Variants in TNFRSF11A observed in about 807,000 individuals in gnomAD.
TNFRSF11A encodes the protein tumor necrosis factor receptor superfamily member 11A.
A neutral mutation model predicts 55.7 loss-of-function variants in TNFRSF11A; 32 were observed. That is an observed-to-expected ratio of 0.57 (90% CI 0.43 to 0.77). The LOEUF is 0.77. Among genes scored for constraint, TNFRSF11A ranks in the 30% least tolerant of loss-of-function variants. The probability of loss-of-function intolerance (pLI) is 0.00; values close to 1 mark genes in which losing one functional copy is unlikely to be tolerated. For synonymous variants in TNFRSF11A, 311 were observed against 331.0 expected (o/e 0.94, Z 0.65); for missense variants, 753 against 809.8 (o/e 0.93, Z 0.85).
chr18:62,359,039 A>G (rs1909477861), intron 5 of TNFRSF11A, among the ~76,000 whole-genome samples: 2 of 152,196 alleles, frequency 1.3e-5, no homozygotes, highest in Non-Finnish European at 2.9e-5. Flanking sequence ...TTGTTGTTGC[A>G]TACCAATAAT....
intron 1 of TNFRSF11A, among the ~76,000 whole-genome samples, chr18:62,347,278 G>C (rs1478698502): frequency 6.6e-6 from 1 of 152,198 alleles, no homozygotes; most frequent in Non-Finnish European, 1.5e-5. Flanking sequence ...TTCAGTTTCT[G>C]ACATGACTGC....
At chr18:62,350,262 C>A (rs1165604164) in intron 3 of TNFRSF11A, among the ~76,000 whole-genome samples, 1 of 151,922 alleles carries the variant, frequency 6.6e-6, no homozygotes, top group Non-Finnish European at 1.5e-5. Flanking sequence ...CCATACTTAT[C>A]CCTTTTATTT....
intron 3 of TNFRSF11A, among the ~76,000 whole-genome samples, chr18:62,351,655 C>T (rs1161710397): frequency 6.6e-6 from 1 of 152,180 alleles, no homozygotes; most frequent in Non-Finnish European, 1.5e-5. Flanking sequence ...TAGTGCAGTA[C>T]ATATAGAAAA....
intron 1 of TNFRSF11A, among the ~76,000 whole-genome samples, chr18:62,332,141 T>TG (rs1277255282): frequency 6.6e-6 from 1 of 152,226 alleles, no homozygotes; most frequent in Non-Finnish European, 1.5e-5. Context: ...AGCTGGGCAA[T>TG]GGGGAAAGAT....
At chr18:62,384,660 C>G in intron 9 of TNFRSF11A, 91 bp from the exon 10 acceptor site, 2 of 1,479,872 alleles carry the variant, frequency 1.4e-6, no homozygotes, top group African/African-American at 1.4e-5. Flanking sequence ...TCCGGGGAGC[C>G]GCCCTCCACT....
At chr18:62,384,376 CTCT>C (rs1296922372) in intron 9 of TNFRSF11A, among the ~76,000 whole-genome samples, 25 of 141,982 alleles carry the variant, frequency 1.8e-4, no homozygotes, top group Non-Finnish European at 2.9e-4. Flanking sequence ...TCTCCTCCTC[CTCT>C]TCCTCCCCTC....
Position 62,384,877 on chromosome 18 carries a change from C to A in TNFRSF11A, c.1694C>A (p.Pro565His), listed in dbSNP as rs1326368969. Residue 565 changes from proline to histidine, a missense_variant, in exon 10 of 10, where the codon CCC becomes CAC. By Grantham distance (77) the Pro-to-His change is moderately conservative. Coordinates refer to ENST00000586569, the MANE Select transcript of TNFRSF11A (RefSeq NM_003839.4). ...GAGGGCGCGGCGGCGGCTGCGGAGC[C>A]CATGGGCCGCCCGGTGCAGGAGGAG... ...SQEGAAAAAEPMGRPVQEETL... is the reference protein window; with the variant it reads ...SQEGAAAAAEHMGRPVQEETL... The A allele has an allele frequency of 2.5e-6, 4 of 1,594,882 alleles. No homozygotes were observed. The East Asian group carries it at 6.8e-5, about 27-fold the overall frequency.
At chr18:62,367,050 G>A (rs1450881885) in intron 8 of TNFRSF11A, among the ~76,000 whole-genome samples, 4 of 152,138 alleles carry the variant, frequency 2.6e-5, no homozygotes, top group Non-Finnish European at 2.9e-5. Flanking sequence ...GGGCTTCACC[G>A]TGTTGGCCAC....
chr18:62,384,653 G>C lies in TNFRSF11A; in HGVS notation c.1568-98G>C, dbSNP rs1600432701. The C allele has an allele frequency of 4.1e-6, 6 of 1,455,928 alleles. No homozygotes were observed. In the Admixed American group the frequency reaches 9.8e-5, roughly 24 times the overall value. 90.2% of individuals were successfully genotyped at this position (1,455,928 alleles called of 1,614,324 possible). A position where few individuals can be genotyped will look rare whatever the true frequency, so the allele number is the denominator to read the frequency against. On this transcript the variant is annotated intron_variant, in intron 9 of 9. Transcript: ENST00000586569. ...CTGTGGCCCCGGGCTGTGGGAATCC[G>C]GGGAGCCGCCCTCCACTCCCCGGAA...
intron 9 of TNFRSF11A, among the ~76,000 whole-genome samples, chr18:62,371,708 C>T (rs904693751): frequency 1.3e-5 from 2 of 152,164 alleles, no homozygotes; most frequent in African/African-American, 4.8e-5. Flanking sequence ...GCTATTCTCT[C>T]CACAATTACT....
chr18:62,337,984 A>G (rs530053986), intron 1 of TNFRSF11A, among the ~76,000 whole-genome samples: 1 of 152,238 alleles, frequency 6.6e-6, no homozygotes, highest in Non-Finnish European at 1.5e-5. Flanking sequence ...AAATTACCCT[A>G]TGAAAACGGA....
intron 1 of TNFRSF11A, among the ~76,000 whole-genome samples, chr18:62,329,510 A>T (rs1568469612): frequency 6.6e-6 from 1 of 152,054 alleles, no homozygotes; most frequent in Non-Finnish European, 1.5e-5. Context: ...ATTTCCCTCT[A>T]GTTGCAGTGT....
intron 7 of TNFRSF11A, among the ~76,000 whole-genome samples, chr18:62,362,505 A>G (rs1909769402): frequency 6.6e-6 from 1 of 150,978 alleles, no homozygotes; most frequent in Non-Finnish European, 1.5e-5. Flanking sequence ...AAAAAAAAAA[A>G]AAAAAAAAGA....
At position 62,368,831 on chromosome 18, in the gene TNFRSF11A, G is replaced by A; in HGVS notation, c.914G>A (p.Gly305Asp). ...FPEDMCYPDQ[G>D]GVCQGTCVGG... ...GAAGATATGTGCTACCCAGATCAAG[G>A]TGGTGTCTGTCAGGGCACATGTGTA... Residue 305 changes from glycine (G) to aspartate (D), a missense_variant, in exon 9 of 10, where the codon GGT becomes GAT. By Grantham distance (94) the Gly-to-Asp change is moderately conservative. Transcript: ENST00000586569. 2 of 1,614,266 alleles carry A rather than the reference G, an allele frequency of 1.2e-6. No homozygotes were observed. The highest frequency in any genetic ancestry group is 1.3e-5 in the African/African-American group (1 of 75,076).
intron 9 of TNFRSF11A, among the ~76,000 whole-genome samples, chr18:62,376,566 C>T (rs1036136601): frequency 6.6e-6 from 1 of 152,194 alleles, no homozygotes; most frequent in Non-Finnish European, 1.5e-5. Context: ...GCCTCCCCCA[C>T]TAGAGTGGTA....
chr18:62,386,646 A>G lies in TNFRSF11A; in HGVS notation c.*1612A>G, dbSNP rs1000514875. 6.6e-6 allele frequency: 1 copy of G among 152,248 alleles called. No individual in the cohort carries two copies. Among genetic ancestry groups the G allele is most frequent in the African/African-American group, 2.4e-5 (1 of 41,468 alleles). 9.4% of individuals were successfully genotyped at this position (152,248 alleles called of 1,614,324 possible). Reference sequence around the variant, plus strand: ...GGTTATAAAAGAAAGCACTAATAGTAGTCACTGCCCAGACTTTACTGGCCA... The same window carrying G: ...GGTTATAAAAGAAAGCACTAATAGTGGTCACTGCCCAGACTTTACTGGCCA... On this transcript the variant is annotated 3_prime_UTR_variant, in exon 10 of 10. Transcript: ENST00000586569.
intron 1 of TNFRSF11A, among the ~76,000 whole-genome samples, chr18:62,327,359 A>G (rs1190575395): frequency 1.3e-5 from 2 of 152,146 alleles, no homozygotes; most frequent in African/African-American, 4.8e-5. Context: ...AATAATCAGC[A>G]CACCATAGTG....
chr18:62,353,711 A>ATG (rs1909012879), intron 3 of TNFRSF11A, among the ~76,000 whole-genome samples: 1 of 139,126 alleles, frequency 7.2e-6, no homozygotes, highest in African/African-American at 2.5e-5. Flanking sequence ...TATAACAGAT[A>ATG]CGTGTGTGTG....
In TNFRSF11A at chr18:62,384,975, C is replaced by T. The variant is rs1358643846; in HGVS notation, c.1792C>T (p.Leu598=). The change falls in exon 10 of 10, where the codon CTG becomes TTG. Residue 598 remains leucine, a synonymous_variant. Coordinates refer to ENST00000586569, the MANE Select transcript of TNFRSF11A (RefSeq NM_003839.4). ...FPDPCGGPEG[L]REPEKASRPV... is the part of the protein sequence containing the mutation. ...GGACCCGTGCGGCGGCCCCGAGGGG[C>T]TGCGGGAGCCGGAGAAGGCCTCGAG... 3 of 1,472,960 alleles carry T rather than the reference C, an allele frequency of 2.0e-6. No homozygotes were observed. The highest frequency in any genetic ancestry group is 2.6e-5 in the Admixed American group (1 of 38,190). 91.2% of individuals were successfully genotyped at this position (1,472,960 alleles called of 1,614,324 possible).
Sources: gnomAD v4.1 joint callset for allele counts (sites outside exome capture counted in the v4.1 genomes callset) on GRCh38, gnomAD v4.1.1 for gene constraint, MANE v1.5 for transcripts, NCBI Gene and HGNC (gene_info 2026-07-23, HGNC 2026-07-21) for gene names.